Variants in DHX37 observed in about 807,000 individuals in gnomAD.
DHX37 encodes DEAH-box helicase 37.
Under a neutral mutation model 134.3 loss-of-function variants are expected in DHX37, and 52 were observed. The ratio of observed to expected loss-of-function variants is 0.39; its 90% CI spans 0.31 to 0.49. The LOEUF is 0.49. Among genes scored for constraint, DHX37 ranks in the 20% least tolerant of loss-of-function variants. DHX37 has a pLI of 0.93. For missense variants in DHX37, 1,344 were observed against 1,580.8 expected, an observed-to-expected ratio of 0.85 and a Z score of 2.54; for synonymous variants, 634 against 670.7, an observed-to-expected ratio of 0.95 and a Z score of 0.85.
At chr12:124,951,030 G>A (rs1056750073) in intron 21 of DHX37, among the ~76,000 whole-genome samples, 3 of 152,238 alleles carry the variant, frequency 2.0e-5, no homozygotes, top group African/African-American at 7.2e-5. Context: ...CAACACTCTG[G>A]GAGGCCGAGG....
intron 16 of DHX37, 91 bp from the exon 17 acceptor site, chr12:124,957,226 C>G (rs954470578): frequency 2.7e-5 from 33 of 1,223,806 alleles, no homozygotes; most frequent in Non-Finnish European, 3.0e-5. Flanking sequence ...CTCCCTCCAA[C>G]CCCTCTCTCC....
At chr12:124,982,978 C>G (rs939122703) in intron 2 of DHX37, among the ~76,000 whole-genome samples, 1 of 152,160 alleles carries the variant, frequency 6.6e-6, no homozygotes, top group Non-Finnish European at 1.5e-5. Flanking sequence ...CTTTGTGTGT[C>G]TGATGTGAAT....
chr12:124,948,530 T>C lies in DHX37; in HGVS notation c.3291-349A>G, dbSNP rs576386055. 1,233 of 325,536 alleles carry C rather than the reference T, an allele frequency of 3.8e-3. 23 individuals carry two copies. The highest frequency in any genetic ancestry group is 5.7e-3 in the East Asian group (89 of 15,528). 20.2% of individuals were successfully genotyped at this position (325,536 alleles called of 1,614,324 possible). ...GGGAAGCTGAGGCAGGTGGATCACCTGAGGCCAGGAGTTCGAGACCAGCCT... is the reference window on the plus strand; with the variant it reads ...GGGAAGCTGAGGCAGGTGGATCACCCGAGGCCAGGAGTTCGAGACCAGCCT... On this transcript the variant is annotated intron_variant, in intron 25 of 26. Transcript: ENST00000308736.
intron 1 of DHX37, among the ~76,000 whole-genome samples, chr12:124,988,642 C>A (rs939278376): frequency 2.6e-5 from 4 of 152,070 alleles, no homozygotes; most frequent in African/African-American, 9.7e-5. Context: ...TAATCGAAGT[C>A]ATGGGAAGGG....
chr12:124,979,421 A>C (rs1954711796), intron 4 of DHX37, among the ~76,000 whole-genome samples: 1 of 152,172 alleles, frequency 6.6e-6, no homozygotes, highest in Non-Finnish European at 1.5e-5. Context: ...AAGCTAAAAC[A>C]ACCAACTATC....
Position 124,956,750 on chromosome 12 carries a change from G to A in DHX37, c.2394C>T (p.Pro798=). ...TGCTGGCCACGATGGTGATGGCATA[G>A]GGCAGGCAGCCGTGTTGTCGGCTCA... is the stretch of plus-strand genomic sequence containing the variant. ...LALSRQHGCL[P]YAITIVASMT... is the part of the protein sequence containing the mutation. Residue 798 remains proline (P), a synonymous_variant, in exon 18 of 27, where the codon CCC becomes CCT. Coordinates refer to ENST00000308736, the MANE Select transcript of DHX37 (RefSeq NM_032656.4). The A allele has an allele frequency of 6.2e-7, 1 of 1,608,696 alleles. No individual in the cohort carries two copies. Among genetic ancestry groups the A allele is most frequent in the South Asian group, 1.1e-5 (1 of 90,838 alleles).
At chr12:124,952,272 A>T in intron 21 of DHX37, 126 bp downstream of exon 21, 1 of 979,638 alleles carries the variant, frequency 1.0e-6, no homozygotes, top group Non-Finnish European at 1.4e-6. Context: ...TGCAAGCCCC[A>T]CTTGTTCCTC....
At chr12:124,988,796 T>C (rs1046190118) in intron 1 of DHX37, 121 bp downstream of exon 1, 8 of 482,240 alleles carry the variant, frequency 1.7e-5, no homozygotes, top group Admixed American at 4.3e-5. Context: ...GGGGGACCCA[T>C]TCCCCCATTC....
chr12:124,968,823 C>T (rs1183285364), intron 9 of DHX37, 44 bp downstream of exon 9: 1 of 1,611,976 alleles, frequency 6.2e-7, no homozygotes. Context: ...CCAGGGCGTC[C>T]TTGTGCCATC....
At chr12:124,947,967 C>T (rs1566318306) in intron 26 of DHX37, 80 bp from the exon 27 acceptor site, 2 of 1,611,648 alleles carry the variant, frequency 1.2e-6, no homozygotes, top group African/African-American at 1.3e-5. Context: ...AGCTGGCCAG[C>T]AGCCGTGGGG....
At position 124,954,166 on chromosome 12, in the gene DHX37, C is replaced by A. The variant is rs11829165; in HGVS notation, c.2499G>T (p.Arg833=). Reference sequence around the variant, plus strand: ...TCCTCTTCATCTGGGCCACCCGGGCCCGCTTGCTCTTCAGCCTGGTGAGCT... The same window carrying A: ...TCCTCTTCATCTGGGCCACCCGGGCACGCTTGCTCTTCAGCCTGGTGAGCT... ...DEELTRLKSK[R]ARVAQMKRTW... The change falls in exon 19 of 27, where the codon CGG becomes CGT. Residue 833 remains arginine, a synonymous_variant. Transcript: ENST00000308736. 0.055 allele frequency: 89,423 copies of A among 1,611,536 alleles called. 8,592 individuals carry two copies. The highest frequency in any genetic ancestry group is 0.44 in the African/African-American group (32,744 of 74,786).
chr12:124,968,753 C>T (rs1301703487), intron 9 of DHX37, 105 bp from the exon 10 acceptor site: 2 of 1,597,558 alleles, frequency 1.3e-6, no homozygotes, highest in African/African-American at 2.7e-5. Flanking sequence ...CTAACACCCC[C>T]TCCAAGCTGC....
At chr12:124,958,836 G>C (rs1954159972) in intron 16 of DHX37, among the ~76,000 whole-genome samples, 1 of 151,484 alleles carries the variant, frequency 6.6e-6, no homozygotes, top group Non-Finnish European at 1.5e-5. Flanking sequence ...ATATTGGCCA[G>C]GCTGGTCTCG....
intron 4 of DHX37, among the ~76,000 whole-genome samples, chr12:124,979,437 A>G (rs79890432): frequency 0.01 from 1,584 of 152,312 alleles, 33 homozygotes; most frequent in African/African-American, 0.036. Context: ...CTATCCAGCA[A>G]CAGAATACTC....
In DHX37 at chr12:124,972,182, G is replaced by A. The variant is rs779732043; in HGVS notation, c.1077+321C>T. 2.3e-4 allele frequency among the ~76,000 whole-genome samples: 35 copies of A among 152,250 alleles called. 1 individual carries two copies. Among genetic ancestry groups the A allele is most frequent in the Admixed American group, 6.5e-4 (10 of 15,284 alleles). ...AGGCTTTCAGTACACCCCCGGCAAG[G>A]CGTGAACTCTGTGAGTCAGTCACAA... On this transcript the variant is annotated intron_variant, in intron 7 of 26. Transcript: ENST00000308736.
chr12:124,951,037 G>A (rs993742846), intron 21 of DHX37, among the ~76,000 whole-genome samples: 12 of 152,204 alleles, frequency 7.9e-5, no homozygotes, highest in Admixed American at 1.3e-4. Context: ...CTGGGAGGCC[G>A]AGGAGGGTGG....
chr12:124,982,491 C>A lies in DHX37; in HGVS notation c.389+20G>T. 6.2e-7 allele frequency: 1 copy of A among 1,612,190 alleles called. No homozygotes were observed. Among genetic ancestry groups the A allele is most frequent in the Non-Finnish European group, 8.5e-7 (1 of 1,178,934 alleles). Reference sequence around the variant, plus strand: ...GGCCCTGGAGGGAGGGCAGGGTTAGCAAAGGACTGGCCAACTCACTCTTTG... The same window carrying A: ...GGCCCTGGAGGGAGGGCAGGGTTAGAAAAGGACTGGCCAACTCACTCTTTG... On this transcript the variant is annotated intron_variant, in intron 3 of 26. Coordinates refer to ENST00000308736, the MANE Select transcript of DHX37 (RefSeq NM_032656.4).
At position 124,965,649 on chromosome 12, in the gene DHX37, A is replaced by G. The variant is rs1022040255; in HGVS notation, c.1735+19T>C. 6 of 1,587,844 alleles carry G rather than the reference A, an allele frequency of 3.8e-6. No individual in the cohort carries two copies. Among genetic ancestry groups the G allele is most frequent in the Non-Finnish European group, 5.2e-6 (6 of 1,164,438 alleles). ...GCAGAGATAATGAACATGAGCAGGA[A>G]TCGGTGCTCGGGCCACACCTCCATC... On this transcript the variant is annotated intron_variant, in intron 13 of 26. Transcript: ENST00000308736.
chr12:124,968,223 G>A (rs1368467696), intron 10 of DHX37, among the ~76,000 whole-genome samples: 1 of 152,114 alleles, frequency 6.6e-6, no homozygotes, highest in Non-Finnish European at 1.5e-5. Flanking sequence ...CTCTTGGGGG[G>A]ATGTGCCCGT....
Sources: gnomAD v4.1 joint callset for allele counts (sites outside exome capture counted in the v4.1 genomes callset) on GRCh38, gnomAD v4.1.1 for gene constraint, MANE v1.5 for transcripts, NCBI Gene and HGNC (gene_info 2026-07-23, HGNC 2026-07-21) for gene names.